Variants in FZD3 observed in about 807,000 individuals in gnomAD.
The protein encoded by FZD3 is frizzled class receptor 3, also known as frizzled-3.
FZD3 carries 30 observed loss-of-function variants against 60.7 expected under a neutral mutation model. The ratio of observed to expected loss-of-function variants is 0.49; its 90% CI spans 0.37 to 0.67. The LOEUF is 0.67. Among genes scored for constraint, FZD3 ranks in the 30% least tolerant of loss-of-function variants. The probability of loss-of-function intolerance (pLI) is 0.00; values close to 1 mark genes in which losing one functional copy is unlikely to be tolerated. For missense variants in FZD3, 605 were observed against 838.7 expected (o/e 0.72, Z 3.44); for synonymous variants, 246 against 275.2 (o/e 0.89, Z 1.05).
At chr8:28,531,556 T>C (rs533928738) in intron 5 of FZD3, among the ~76,000 whole-genome samples, 24 of 152,334 alleles carry the variant, frequency 1.6e-4, no homozygotes, top group African/African-American at 5.8e-4. Context: ...TAAGTCGTTA[T>C]TTTAATTTAT....
At chr8:28,537,886 G>A (rs1805058396) in intron 5 of FZD3, among the ~76,000 whole-genome samples, 2 of 152,110 alleles carry the variant, frequency 1.3e-5, no homozygotes, top group South Asian at 4.1e-4. Flanking sequence ...GGAGGCCGAG[G>A]TCGGCAGATC....
At chr8:28,529,063 A>G (rs915706496) in intron 5 of FZD3, among the ~76,000 whole-genome samples, 5 of 152,020 alleles carry the variant, frequency 3.3e-5, no homozygotes, top group African/African-American at 9.7e-5. Flanking sequence ...CTACAGGTGT[A>G]CACCACCATG....
chr8:28,568,551 T>C lies in FZD3; in HGVS notation c.*5540T>C, dbSNP rs890113639. The C allele has an allele frequency of 6.6e-6, 1 of 152,104 alleles. No homozygotes were observed. Among genetic ancestry groups the C allele is most frequent in the South Asian group, 2.1e-4 (1 of 4,834 alleles). The allele number at this position is 152,104 out of a possible 1,614,324, so 9.4% of individuals were successfully genotyped here. A position where few individuals can be genotyped will look rare whatever the true frequency, so the allele number is the denominator to read the frequency against. On this transcript the variant is annotated 3_prime_UTR_variant, in exon 8 of 8. Coordinates refer to ENST00000240093, the MANE Select transcript of FZD3 (RefSeq NM_017412.4). ...GATCCAAGTCTTCTAAGAATGAAAA[T>C]GTTGAAGTCTACCCAGAACCAGCCA... is the stretch of plus-strand genomic sequence containing the variant.
chr8:28,505,937 A>C (rs958567601), intron 3 of FZD3, among the ~76,000 whole-genome samples: 2 of 152,174 alleles, frequency 1.3e-5, no homozygotes, highest in Non-Finnish European at 2.9e-5. Context: ...GCCTTCCAAA[A>C]CGTGCACATC....
intron 4 of FZD3, among the ~76,000 whole-genome samples, chr8:28,522,352 C>T (rs1356035598): frequency 1.3e-5 from 2 of 151,430 alleles, no homozygotes; most frequent in Non-Finnish European, 2.9e-5. Context: ...AACCTATCTA[C>T]GATTTTAAAT....
At position 28,514,674 on chromosome 8, in the gene FZD3, A is replaced by G. The variant is rs370774600; in HGVS notation, c.190-5964A>G. The stretch of plus-strand genomic sequence containing the variant: ...TTAGGTCTGGTTTCTTTCACTCAGT[A>G]TAATGATTTTGAGATTCATCTGTGT... On this transcript the variant is annotated intron_variant, in intron 3 of 7. Transcript: ENST00000240093. Among the ~76,000 whole-genome samples, 17 of 152,366 alleles carry G rather than the reference A, an allele frequency of 1.1e-4. 1 individual carries two copies. The East Asian group carries it at 1.9e-3, about 17-fold the overall frequency.
In FZD3 at chr8:28,562,904, C is replaced by T. The variant is rs545993984; in HGVS notation, c.1894C>T (p.Gln632Ter). Residue 632 changes from glutamine to a stop codon, truncating the protein, a stop_gained, in exon 8 of 8, where the codon CAG (glutamine) becomes TAG (stop). Transcript: ENST00000240093. LOFTEE classifies it high-confidence loss of function. ...TAGTAGTTCTCATCGGCTCAATGAA[C>T]AGTCACGACATAGCAGCATCAGAGA... ...RHSSSHRLNE[Q>*]SRHSSIRDLS... is the part of the protein sequence containing the mutation. The T allele has an allele frequency of 1.2e-6, 2 of 1,612,168 alleles. No individual in the cohort carries two copies. Among genetic ancestry groups the T allele is most frequent in the East Asian group, 2.2e-5 (1 of 44,862 alleles).
chr8:28,513,223 G>A (rs551594137), intron 3 of FZD3, among the ~76,000 whole-genome samples: 2 of 152,150 alleles, frequency 1.3e-5, no homozygotes, highest in South Asian at 2.1e-4. Flanking sequence ...TGATTTACTT[G>A]TCTTAAATTA....
chr8:28,522,665 AT>A (rs975029142), intron 4 of FZD3, among the ~76,000 whole-genome samples: 7 of 143,238 alleles, frequency 4.9e-5, no homozygotes, highest in African/African-American at 1.6e-4. Context: ...CATAATCTTT[AT>A]TTTTTTAATT....
chr8:28,519,051 T>C (rs561137636), intron 3 of FZD3, among the ~76,000 whole-genome samples: 1 of 152,252 alleles, frequency 6.6e-6, no homozygotes, highest in Admixed American at 6.5e-5. Context: ...ATATCAGTTA[T>C]TATATTCATT....
chr8:28,538,623 T>A (rs752373661), intron 5 of FZD3, among the ~76,000 whole-genome samples: 4 of 152,140 alleles, frequency 2.6e-5, no homozygotes, highest in Non-Finnish European at 4.4e-5. Context: ...AGAGACATCA[T>A]ATAGTTCTGG....
At position 28,569,920 on chromosome 8, in the gene FZD3, A is replaced by T. The variant is rs773852733; in HGVS notation, c.*6909A>T. On this transcript the variant is annotated 3_prime_UTR_variant, in exon 8 of 8. Transcript: ENST00000240093. Reference sequence around the variant, plus strand: ...ATTAGTGAACAAAGCAATGGTTCGTATGGCTAATTTAAAAGCAATTCAATT... The same window carrying T: ...ATTAGTGAACAAAGCAATGGTTCGTTTGGCTAATTTAAAAGCAATTCAATT... 2 of 152,228 alleles carry T rather than the reference A, an allele frequency of 1.3e-5. No individual in the cohort carries two copies. Among genetic ancestry groups the T allele is most frequent in the Admixed American group, 1.3e-4 (2 of 15,292 alleles). The allele number at this position is 152,228 out of a possible 1,614,324, so 9.4% of individuals were successfully genotyped here.
chr8:28,509,180 T>G (rs889192356), intron 3 of FZD3, among the ~76,000 whole-genome samples: 4 of 151,956 alleles, frequency 2.6e-5, no homozygotes, highest in African/African-American at 9.7e-5. Flanking sequence ...TAATTTAAAT[T>G]TATTTTATAA....
Position 28,564,951 on chromosome 8 carries a change from A to T in FZD3, c.*1940A>T, listed in dbSNP as rs142997349. 1.7e-3 allele frequency: 258 copies of T among 152,338 alleles called. 2 individuals are homozygous for T. Among genetic ancestry groups the T allele is most frequent in the African/African-American group, 6.0e-3 (251 of 41,582 alleles). 9.4% of individuals were successfully genotyped at this position (152,338 alleles called of 1,614,324 possible). Reference sequence around the variant, plus strand: ...TATGTGAAAGCTCTTTGAAAACTGTAAAGCATTATGAATGATAAGGGATTA... The same window carrying T: ...TATGTGAAAGCTCTTTGAAAACTGTTAAGCATTATGAATGATAAGGGATTA... On this transcript the variant is annotated 3_prime_UTR_variant, in exon 8 of 8. Coordinates refer to ENST00000240093, the MANE Select transcript of FZD3 (RefSeq NM_017412.4).
At position 28,520,672 on chromosome 8, in the gene FZD3, G is replaced by C; in HGVS notation, c.224G>C (p.Arg75Pro). The C allele has an allele frequency of 6.2e-7, 1 of 1,603,242 alleles. No individual in the cohort carries two copies. The highest frequency in any genetic ancestry group is 8.5e-7 in the Non-Finnish European group (1 of 1,174,464). The stretch of plus-strand genomic sequence containing the variant: ...CCTATGGTGAATCTGGATTGTTCTC[G>C]GGATTTCCGGCCTTTTCTTTGTGCA... ...FHPMVNLDCS[R>P]DFRPFLCALY... Residue 75 changes from arginine to proline, a missense_variant, in exon 4 of 8, where the codon CGG becomes CCG. Physicochemically the swap from Arg to Pro is moderately radical, Grantham distance 103. Transcript: ENST00000240093.
At chr8:28,512,956 A>C (rs1804328077) in intron 3 of FZD3, among the ~76,000 whole-genome samples, 2 of 152,138 alleles carry the variant, frequency 1.3e-5, no homozygotes, top group South Asian at 4.1e-4. Flanking sequence ...CATGGTGTTA[A>C]TCTTTAGAAT....
Position 28,514,819 on chromosome 8 carries a change from A to G in FZD3, c.190-5819A>G, listed in dbSNP as rs115358197. 2.9e-3 allele frequency among the ~76,000 whole-genome samples: 436 copies of G among 152,344 alleles called. 1 individual carries two copies. The highest frequency in any genetic ancestry group is 9.8e-3 in the African/African-American group (406 of 41,584). Reference sequence around the variant, plus strand: ...CACCAAGTAGGCCTGCTACAGCTCTATTAACTTGCACCTATTCCCCAATCC... The same window carrying G: ...CACCAAGTAGGCCTGCTACAGCTCTGTTAACTTGCACCTATTCCCCAATCC... On this transcript the variant is annotated intron_variant, in intron 3 of 7. Transcript: ENST00000240093.
At chr8:28,503,486 G>A (rs139837324) in intron 3 of FZD3, among the ~76,000 whole-genome samples, 2,075 of 152,242 alleles carry the variant, frequency 0.014, 50 homozygotes, top group African/African-American at 0.047. Flanking sequence ...TAAAATTTAA[G>A]AATAACTCCC....
At chr8:28,533,231 G>A (rs925511310) in intron 5 of FZD3, among the ~76,000 whole-genome samples, 9 of 151,276 alleles carry the variant, frequency 5.9e-5, no homozygotes, top group Non-Finnish European at 1.3e-4. Flanking sequence ...TAGAGATGGG[G>A]TCTTGTTAGC....
Sources: gnomAD v4.1 joint callset for allele counts (sites outside exome capture counted in the v4.1 genomes callset) on GRCh38, gnomAD v4.1.1 for gene constraint, MANE v1.5 for transcripts, NCBI Gene and HGNC (gene_info 2026-07-23, HGNC 2026-07-21) for gene names.